DLG2: variants seen among roughly 807,000 people sequenced by gnomAD.
The protein encoded by DLG2 is disks large homolog 2.
A neutral mutation model predicts 132.5 loss-of-function variants in DLG2; 45 were observed. The observed-to-expected ratio is 0.34, with a 90% CI of 0.27 to 0.44. DLG2 has a LOEUF of 0.44. Ranked by LOEUF, DLG2 falls within the 20% of genes least tolerant of loss-of-function variation. The pLI is 1.00. For missense variants in DLG2, 1,045 were observed against 1,196.9 expected, an observed-to-expected ratio of 0.87 and a Z score of 1.87; for synonymous variants, 424 against 419.6, an observed-to-expected ratio of 1.01 and a Z score of -0.13.
At position 85,177,904 on chromosome 11, in the gene DLG2, G is replaced by A. The variant is rs572315370; in HGVS notation, c.187-23253C>T. Among the ~76,000 whole-genome samples the A allele has an allele frequency of 3.0e-4, 45 of 151,512 alleles. No homozygotes were observed. In the South Asian group the frequency reaches 8.1e-3, roughly 27 times the overall value. On this transcript the variant is annotated intron_variant, in intron 4 of 27. Transcript: ENST00000376104. Reference sequence around the variant, plus strand: ...ATATATAACTTGAATTTAATCATAAGGAAATAGCAGAAAAAAAATTAAAGG... The same window carrying A: ...ATATATAACTTGAATTTAATCATAAAGAAATAGCAGAAAAAAAATTAAAGG...
At chr11:85,274,602 C>T (rs951090053) in intron 4 of DLG2, among the ~76,000 whole-genome samples, 11 of 152,146 alleles carry the variant, frequency 7.2e-5, no homozygotes, top group Non-Finnish European at 1.6e-4. Context: ...GAAGGGTTCA[C>T]AAGTGACTCT....
At chr11:84,271,466 T>C (rs774229672) in intron 7 of DLG2, among the ~76,000 whole-genome samples, 3 of 152,168 alleles carry the variant, frequency 2.0e-5, no homozygotes, top group African/African-American at 4.8e-5. Context: ...ACCACCACAA[T>C]GCTATAGTCA....
intron 6 of DLG2, among the ~76,000 whole-genome samples, chr11:84,965,248 G>C (rs1434226436): frequency 1.3e-5 from 2 of 152,062 alleles, no homozygotes; most frequent in Non-Finnish European, 2.9e-5. Context: ...CCTAAGGTCA[G>C]ACTTCTTGAT....
intron 6 of DLG2, among the ~76,000 whole-genome samples, chr11:84,766,244 G>A (rs542563496): frequency 6.6e-6 from 1 of 152,042 alleles, no homozygotes; most frequent in Admixed American, 6.5e-5. Flanking sequence ...TATGATATAG[G>A]AACTGATTGA....
chr11:84,237,067 T>G (rs1174455945), intron 8 of DLG2, among the ~76,000 whole-genome samples: 1 of 152,120 alleles, frequency 6.6e-6, no homozygotes, highest in Middle Eastern at 3.4e-3. Context: ...TAGCTGAGAC[T>G]ACAGGCGCGT....
intron 19 of DLG2, among the ~76,000 whole-genome samples, chr11:83,562,863 G>A (rs764324841): frequency 2.6e-5 from 4 of 151,324 alleles, no homozygotes; most frequent in African/African-American, 7.3e-5. Context: ...TACATTTCTT[G>A]AGCGCCTTAC....
chr11:84,398,291 G>A (rs1365891233), intron 7 of DLG2, among the ~76,000 whole-genome samples: 2 of 152,124 alleles, frequency 1.3e-5, no homozygotes, highest in East Asian at 1.9e-4. Flanking sequence ...CAGCATCAGA[G>A]GTAGTGCAAG....
intron 7 of DLG2, among the ~76,000 whole-genome samples, chr11:84,305,853 T>C (rs560703445): frequency 5.6e-4 from 86 of 152,270 alleles, no homozygotes; most frequent in African/African-American, 2.0e-3. Flanking sequence ...CAGAGTTTTA[T>C]TATCTGACTT....
At chr11:84,813,753 C>A (rs190485040) in intron 6 of DLG2, among the ~76,000 whole-genome samples, 1 of 151,988 alleles carries the variant, frequency 6.6e-6, no homozygotes, top group East Asian at 1.9e-4. Context: ...TTACACATTA[C>A]GTATTTAAAC....
intron 6 of DLG2, among the ~76,000 whole-genome samples, chr11:84,579,188 C>CGTGTATGTAT (rs1555057730): frequency 6.9e-6 from 1 of 145,596 alleles, no homozygotes; most frequent in Admixed American, 6.8e-5. Context: ...GCATTATTCA[C>CGTGTATGTAT]GTGTGTGTGT....
intron 3 of DLG2, among the ~76,000 whole-genome samples, chr11:85,557,968 T>C (rs2077027120): frequency 6.6e-6 from 1 of 151,882 alleles, no homozygotes; most frequent in African/African-American, 2.4e-5. Flanking sequence ...GGGACCTAAT[T>C]AAACCAAAGA....
chr11:84,574,252 A>T (rs574379960), intron 6 of DLG2, among the ~76,000 whole-genome samples: 2 of 151,844 alleles, frequency 1.3e-5, no homozygotes, highest in Admixed American at 6.6e-5. Context: ...AGGTCTCTAT[A>T]CTCTTACTGT....
chr11:84,541,343 G>A (rs1171158932), intron 6 of DLG2, among the ~76,000 whole-genome samples: 2 of 151,912 alleles, frequency 1.3e-5, no homozygotes, highest in African/African-American at 4.8e-5. Flanking sequence ...TTTTGCCCCT[G>A]ACTTCTGGAA....
intron 6 of DLG2, among the ~76,000 whole-genome samples, chr11:84,933,090 G>C (rs1461225990): frequency 1.3e-5 from 2 of 152,114 alleles, no homozygotes; most frequent in Non-Finnish European, 2.9e-5. Context: ...TTGTGGGTTT[G>C]ATTTGCATTT....
chr11:85,525,745 T>A (rs192101685), intron 3 of DLG2, among the ~76,000 whole-genome samples: 1 of 152,232 alleles, frequency 6.6e-6, no homozygotes, highest in East Asian at 1.9e-4. Flanking sequence ...CAGGAGAATA[T>A]TTTCAGGCCA....
intron 6 of DLG2, among the ~76,000 whole-genome samples, chr11:84,556,170 A>G (rs1426409885): frequency 6.6e-6 from 1 of 152,192 alleles, no homozygotes; most frequent in African/African-American, 2.4e-5. Context: ...GTTCACTCCC[A>G]TCTGGGCCCA....
chr11:84,695,211 G>T (rs2058496071), intron 6 of DLG2, among the ~76,000 whole-genome samples: 1 of 151,496 alleles, frequency 6.6e-6, no homozygotes, highest in Admixed American at 6.6e-5. Context: ...GCTTTATCAG[G>T]CTCATATTAC....
intron 3 of DLG2, among the ~76,000 whole-genome samples, chr11:85,317,039 A>C (rs2080732293): frequency 6.6e-6 from 1 of 152,024 alleles, no homozygotes; most frequent in East Asian, 1.9e-4. Flanking sequence ...GTTTTGATCC[A>C]AAGTATGAAT....
At chr11:83,860,186 C>G (rs1229808032) in intron 16 of DLG2, among the ~76,000 whole-genome samples, 1 of 152,180 alleles carries the variant, frequency 6.6e-6, no homozygotes, top group Non-Finnish European at 1.5e-5. Context: ...GGGGCACCAC[C>G]TAGTGGAGCT....
Sources: gnomAD v4.1 joint callset for allele counts (sites outside exome capture counted in the v4.1 genomes callset) on GRCh38, gnomAD v4.1.1 for gene constraint, MANE v1.5 for transcripts, NCBI Gene and HGNC (gene_info 2026-07-23, HGNC 2026-07-21) for gene names.